The following CHCHD3 variants were observed in gnomAD, a reference collection of about 807,000 sequenced individuals.
The protein encoded by CHCHD3 is MICOS complex subunit MIC19.
CHCHD3 carries 20 observed loss-of-function variants against 38.2 expected under a neutral mutation model. That is an observed-to-expected ratio of 0.52 (90% CI 0.37 to 0.76). The LOEUF (loss-of-function observed/expected upper bound fraction) is 0.76. Among genes scored for constraint, CHCHD3 ranks in the 30% least tolerant of loss-of-function variants. The pLI is 0.00. For missense variants in CHCHD3, 245 were observed against 279.2 expected, an observed-to-expected ratio of 0.88 and a Z score of 0.87; for synonymous variants, 82 against 100.0, an observed-to-expected ratio of 0.82 and a Z score of 1.07.
At chr7:132,824,726 ATTCC>A (rs1807466924) in intron 6 of CHCHD3, among the ~76,000 whole-genome samples, 1 of 152,148 alleles carries the variant, frequency 6.6e-6, no homozygotes, top group Non-Finnish European at 1.5e-5. Context: ...GTGGTCTCAT[ATTCC>A]ACTAGACCTC....
intron 3 of CHCHD3, among the ~76,000 whole-genome samples, chr7:132,984,878 C>T (rs1265069660): frequency 5.2e-5 from 5 of 95,598 alleles, no homozygotes; most frequent in Admixed American, 1.1e-4. Flanking sequence ...CCCGGCCAGC[C>T]GCCCCATCCG....
intron 4 of CHCHD3, among the ~76,000 whole-genome samples, chr7:132,937,502 T>C (rs1192180838): frequency 6.6e-6 from 1 of 152,178 alleles, no homozygotes; most frequent in Non-Finnish European, 1.5e-5. Flanking sequence ...ACTTCACATC[T>C]CAATTATATC....
At chr7:132,793,131 G>T (rs558198258) in intron 7 of CHCHD3, among the ~76,000 whole-genome samples, 1 of 152,172 alleles carries the variant, frequency 6.6e-6, no homozygotes, top group Non-Finnish European at 1.5e-5. Flanking sequence ...CTGTAAGGTA[G>T]GTGGTGTGCA....
intron 5 of CHCHD3, among the ~76,000 whole-genome samples, chr7:132,849,870 G>C (rs575855673): frequency 1.3e-5 from 2 of 152,278 alleles, no homozygotes; most frequent in Non-Finnish European, 2.9e-5. Flanking sequence ...GCCTGTGTTA[G>C]GGTGCTGCAA....
At chr7:132,851,684 T>C (rs1259747817) in intron 5 of CHCHD3, among the ~76,000 whole-genome samples, 1 of 152,202 alleles carries the variant, frequency 6.6e-6, no homozygotes, top group Non-Finnish European at 1.5e-5. Context: ...AACTGTTAAA[T>C]TATTTCATGG....
At chr7:132,848,055 C>A (rs976181065) in intron 5 of CHCHD3, among the ~76,000 whole-genome samples, 1 of 152,218 alleles carries the variant, frequency 6.6e-6, no homozygotes, top group Non-Finnish European at 1.5e-5. Context: ...GTGGCAGAAA[C>A]AAGTCTGGTC....
At chr7:133,005,463 C>G (rs1217903348) in intron 3 of CHCHD3, among the ~76,000 whole-genome samples, 1 of 152,138 alleles carries the variant, frequency 6.6e-6, no homozygotes, top group Non-Finnish European at 1.5e-5. Flanking sequence ...GTTTAATGTG[C>G]TCATTTTTAA....
chr7:132,808,022 C>T (rs539836820), intron 6 of CHCHD3, among the ~76,000 whole-genome samples: 1 of 152,206 alleles, frequency 6.6e-6, no homozygotes, highest in South Asian at 2.1e-4. Flanking sequence ...TTAAAGACGA[C>T]AGATATGAAA....
At chr7:132,792,114 T>C (rs536792515) in intron 7 of CHCHD3, among the ~76,000 whole-genome samples, 48 of 152,330 alleles carry the variant, frequency 3.2e-4, no homozygotes, top group African/African-American at 1.1e-3. Flanking sequence ...GGGCATCTCC[T>C]GGGGTTGGTC....
intron 2 of CHCHD3, among the ~76,000 whole-genome samples, chr7:133,037,530 T>C (rs1279085619): frequency 6.6e-6 from 1 of 152,128 alleles, no homozygotes; most frequent in African/African-American, 2.4e-5. Flanking sequence ...TACATACATA[T>C]AGCCCAGCAC....
chr7:132,840,384 C>G (rs1174567908), intron 5 of CHCHD3, among the ~76,000 whole-genome samples: 1 of 152,190 alleles, frequency 6.6e-6, no homozygotes, highest in Non-Finnish European at 1.5e-5. Context: ...ACTGAACTAT[C>G]TACTAAAATG....
intron 6 of CHCHD3, among the ~76,000 whole-genome samples, chr7:132,831,597 A>C (rs1807653189): frequency 1.3e-5 from 2 of 152,206 alleles, no homozygotes; most frequent in African/African-American, 4.8e-5. Context: ...CTAGAAAGAG[A>C]AGCACAGAAC....
At chr7:132,946,731 T>C (rs1416875535) in intron 4 of CHCHD3, among the ~76,000 whole-genome samples, 2 of 151,900 alleles carry the variant, frequency 1.3e-5, no homozygotes, top group Non-Finnish European at 2.9e-5. Context: ...CAAACTTGCA[T>C]CTTTATTACT....
At chr7:132,869,287 C>T (rs1429877145) in intron 5 of CHCHD3, among the ~76,000 whole-genome samples, 1 of 152,168 alleles carries the variant, frequency 6.6e-6, no homozygotes, top group Non-Finnish European at 1.5e-5. Flanking sequence ...TGTGTACCTA[C>T]TTCCTTGGTC....
chr7:132,895,559 G>A (rs1260366114), intron 4 of CHCHD3, among the ~76,000 whole-genome samples: 3 of 152,238 alleles, frequency 2.0e-5, no homozygotes, highest in Non-Finnish European at 2.9e-5. Context: ...TAATTCCCAC[G>A]TGTCATGCAC....
intron 4 of CHCHD3, among the ~76,000 whole-genome samples, chr7:132,950,224 C>T (rs545345359): frequency 9.9e-5 from 15 of 152,160 alleles, no homozygotes; most frequent in African/African-American, 3.6e-4. Context: ...ACATTCACTA[C>T]CTGGGTGACG....
intron 6 of CHCHD3, among the ~76,000 whole-genome samples, chr7:132,804,402 A>G (rs1407140326): frequency 6.6e-6 from 1 of 152,152 alleles, no homozygotes; most frequent in Non-Finnish European, 1.5e-5. Flanking sequence ...TTCACAAAGA[A>G]TTGCCCTTTG....
chr7:132,830,431 C>T lies in CHCHD3; in HGVS notation c.524+7968G>A, dbSNP rs559723172. ...TCTTGCAGTTGAATAAAACAACTTA[C>T]GACCATTTTTTAGATAAGGATCAAA... On this transcript the variant is annotated intron_variant, in intron 6 of 7. Transcript: ENST00000262570. 2.0e-4 allele frequency among the ~76,000 whole-genome samples: 30 copies of T among 152,280 alleles called. No individual in the cohort carries two copies. In the East Asian group the frequency reaches 3.7e-3, roughly 19 times the overall value.
intron 2 of CHCHD3, among the ~76,000 whole-genome samples, chr7:133,056,083 G>A (rs1251875993): frequency 5.9e-5 from 9 of 152,000 alleles, no homozygotes; most frequent in Non-Finnish European, 1.3e-4. Context: ...AGAAGGTCAA[G>A]GCTGCAGTGA....
Sources: gnomAD v4.1 joint callset for allele counts (sites outside exome capture counted in the v4.1 genomes callset) on GRCh38, gnomAD v4.1.1 for gene constraint, MANE v1.5 for transcripts, NCBI Gene and HGNC (gene_info 2026-07-23, HGNC 2026-07-21) for gene names.